The following GPC5 variants were observed in gnomAD, a reference collection of about 807,000 sequenced individuals.
The protein encoded by GPC5 is glypican-5.
Under a neutral mutation model 53.9 loss-of-function variants are expected in GPC5, and 47 were observed. The observed-to-expected ratio is 0.87, with a 90% CI of 0.69 to 1.11. GPC5 has a LOEUF of 1.11. GPC5 is among the 50% of genes most tolerant of loss of function. The probability of loss-of-function intolerance (pLI) is 0.00; values close to 1 mark genes in which losing one functional copy is unlikely to be tolerated. For missense variants in GPC5, 748 were observed against 713.1 expected (o/e 1.05, Z -0.56); for synonymous variants, 286 against 263.3 (o/e 1.09, Z -0.84).
intron 5 of GPC5, among the ~76,000 whole-genome samples, chr13:91,891,823 A>C (rs1476427334): frequency 6.6e-6 from 1 of 152,100 alleles, no homozygotes; most frequent in Non-Finnish European, 1.5e-5. Context: ...TTAGTGTTTT[A>C]TTTAGCTCAT....
chr13:91,560,903 G>T (rs2031222804), intron 2 of GPC5, among the ~76,000 whole-genome samples: 1 of 152,084 alleles, frequency 6.6e-6, no homozygotes, highest in Non-Finnish European at 1.5e-5. Context: ...GAACTCTGTG[G>T]TTGAAGCCTA....
At chr13:92,193,134 C>T (rs1345862638) in intron 7 of GPC5, among the ~76,000 whole-genome samples, 3 of 151,916 alleles carry the variant, frequency 2.0e-5, no homozygotes, top group Non-Finnish European at 4.4e-5. Flanking sequence ...GAGATGGCGC[C>T]ACTGCACTCC....
intron 7 of GPC5, among the ~76,000 whole-genome samples, chr13:92,291,560 C>T (rs1482858758): frequency 6.6e-6 from 1 of 152,166 alleles, no homozygotes; most frequent in Non-Finnish European, 1.5e-5. Flanking sequence ...CTCTGGCTCT[C>T]TGTAAAATGG....
intron 2 of GPC5, among the ~76,000 whole-genome samples, chr13:91,636,478 A>G (rs2034289107): frequency 6.6e-6 from 1 of 152,080 alleles, no homozygotes; most frequent in Admixed American, 6.6e-5. Context: ...TTTAAAACAA[A>G]ATCAAATTGC....
rs1230635369 is a variant in GPC5, at chr13:92,196,513, A to G, written c.1561+51524A>G. Among the ~76,000 whole-genome samples the G allele has an allele frequency of 2.0e-5, 3 of 152,190 alleles. No homozygotes were observed. The East Asian group carries it at 5.8e-4, about 29-fold the overall frequency. On this transcript the variant is annotated intron_variant, in intron 7 of 7. Transcript: ENST00000377067. The stretch of plus-strand genomic sequence containing the variant: ...CCCTAAAATATAATTACAGCCCTAG[A>G]ATATAATTACTGTCAAATGAAAGCT...
At chr13:91,480,411 G>C (rs1883235981) in intron 2 of GPC5, among the ~76,000 whole-genome samples, 1 of 152,162 alleles carries the variant, frequency 6.6e-6, no homozygotes, top group African/African-American at 2.4e-5. Context: ...TCTCTATAAA[G>C]AGCGATGAGT....
At chr13:91,886,137 T>A (rs2039319509) in intron 5 of GPC5, among the ~76,000 whole-genome samples, 1 of 152,170 alleles carries the variant, frequency 6.6e-6, no homozygotes, top group Admixed American at 6.5e-5. Flanking sequence ...TAGTTCCACA[T>A]GGCTGGGGAG....
intron 6 of GPC5, among the ~76,000 whole-genome samples, chr13:92,138,655 A>G (rs1280383855): frequency 6.6e-6 from 1 of 152,224 alleles, no homozygotes. Flanking sequence ...TGTTGTTATT[A>G]AAGGTTTGTT....
At chr13:92,231,159 A>G (rs1207807200) in intron 7 of GPC5, among the ~76,000 whole-genome samples, 1 of 152,220 alleles carries the variant, frequency 6.6e-6, no homozygotes, top group East Asian at 1.9e-4. Flanking sequence ...TAAAGGATTT[A>G]AAACAGATTC....
chr13:91,702,542 A>G (rs559757373), intron 3 of GPC5, among the ~76,000 whole-genome samples: 1 of 152,030 alleles, frequency 6.6e-6, no homozygotes, highest in Non-Finnish European at 1.5e-5. Context: ...TATTTTGTTT[A>G]TTATAACTTT....
chr13:92,420,508 T>C (rs1442662524), intron 7 of GPC5, among the ~76,000 whole-genome samples: 1 of 152,144 alleles, frequency 6.6e-6, no homozygotes, highest in Non-Finnish European at 1.5e-5. Context: ...TTATACTCTT[T>C]TAGCTATTTT....
At chr13:92,729,488 G>C (rs1888744471) in intron 7 of GPC5, among the ~76,000 whole-genome samples, 1 of 151,360 alleles carries the variant, frequency 6.6e-6, no homozygotes, top group Admixed American at 6.6e-5. Context: ...AACATATTAA[G>C]ATCAATTTTA....
At chr13:92,498,107 G>T (rs1214445055) in intron 7 of GPC5, among the ~76,000 whole-genome samples, 1 of 152,006 alleles carries the variant, frequency 6.6e-6, no homozygotes, top group African/African-American at 2.4e-5. Context: ...GATTGCACTG[G>T]CCAGAAATTC....
At chr13:92,664,123 GA>G (rs1258000066) in intron 7 of GPC5, among the ~76,000 whole-genome samples, 1 of 151,804 alleles carries the variant, frequency 6.6e-6, no homozygotes, top group Non-Finnish European at 1.5e-5. Flanking sequence ...TTCAATTATA[GA>G]GTTGTAGCTG....
chr13:92,233,188 ATAG>A (rs1487601972), intron 7 of GPC5, among the ~76,000 whole-genome samples: 1 of 152,250 alleles, frequency 6.6e-6, no homozygotes. Context: ...AACCTGCCTT[ATAG>A]CAACAAATTT....
At chr13:91,971,975 A>G (rs896618705) in intron 6 of GPC5, among the ~76,000 whole-genome samples, 51 of 152,264 alleles carry the variant, frequency 3.3e-4, no homozygotes, top group Non-Finnish European at 5.9e-4. Flanking sequence ...GTAGATGTCT[A>G]TTAGGTCTGC....
chr13:92,755,786 G>C (rs1195184249), intron 7 of GPC5, among the ~76,000 whole-genome samples: 2 of 141,262 alleles, frequency 1.4e-5, no homozygotes, highest in African/African-American at 2.6e-5. Flanking sequence ...CCAGGAAGAA[G>C]TTGAATCTCT....
chr13:92,542,797 A>G (rs1881973108), intron 7 of GPC5, among the ~76,000 whole-genome samples: 1 of 152,010 alleles, frequency 6.6e-6, no homozygotes, highest in African/African-American at 2.4e-5. Context: ...CAGTACTTTA[A>G]ATATATAATT....
chr13:92,163,027 C>G (rs747330410), intron 7 of GPC5, among the ~76,000 whole-genome samples: 3 of 151,934 alleles, frequency 2.0e-5, no homozygotes, highest in African/African-American at 7.3e-5. Context: ...ATCAAATATA[C>G]TGCATGAAAA....
Sources: gnomAD v4.1 joint callset for allele counts (sites outside exome capture counted in the v4.1 genomes callset) on GRCh38, gnomAD v4.1.1 for gene constraint, MANE v1.5 for transcripts, NCBI Gene and HGNC (gene_info 2026-07-23, HGNC 2026-07-21) for gene names.